The following MACF1 variants were observed in gnomAD, a reference collection of about 807,000 sequenced individuals.
The protein encoded by MACF1 is microtubule-actin cross-linking factor 1.
Under a neutral mutation model 854.8 loss-of-function variants are expected in MACF1, and 193 were observed. The observed-to-expected ratio is 0.23, with a 90% CI of 0.20 to 0.25. MACF1 has a LOEUF of 0.25. Among genes scored for constraint, MACF1 ranks in the 10% least tolerant of loss-of-function variants. The pLI, the probability that MACF1 is intolerant of heterozygous loss-of-function variation, is 1.00. For synonymous variants in MACF1, 3,185 were observed against 3,226.7 expected, an observed-to-expected ratio of 0.99 and a Z score of 0.44; for missense variants, 7,722 against 8,929.1, an observed-to-expected ratio of 0.86 and a Z score of 5.45.
In MACF1 at chr1:39,484,612, A is replaced by T; in HGVS notation, c.22293A>T (p.Ser7431=). 6.2e-7 allele frequency: 1 copy of T among 1,613,586 alleles called. No homozygotes were observed. The highest frequency in any genetic ancestry group is 8.5e-7 in the Non-Finnish European group (1 of 1,179,746). The stretch of plus-strand genomic sequence containing the variant: ...TTATTTTTTTTAAGGTTATCCCATC[A>T]TCAGGTAGCAAGTTGAAACGACCAA... ...LQLPTPEVIP[S]SGSKLKRPTP... Residue 7431 remains serine, a synonymous_variant, in exon 100 of 101, where the codon TCA becomes TCT. Coordinates refer to ENST00000564288, the MANE Select transcript of MACF1 (RefSeq NM_001394062.1).
chr1:39,361,846 T>C (rs886504364), intron 49 of MACF1, among the ~76,000 whole-genome samples, 169 bp downstream of exon 49: 24 of 152,214 alleles, frequency 1.6e-4, no homozygotes, highest in African/African-American at 5.8e-4. Context: ...GTCCATTTTT[T>C]AAGCAACACA....
At chr1:39,106,790 CCT>C (rs1413661848) in intron 2 of MACF1, among the ~76,000 whole-genome samples, 2 of 137,724 alleles carry the variant, frequency 1.5e-5, no homozygotes, top group African/African-American at 5.3e-5. Flanking sequence ...AAACGCCCCC[CCT>C]CTCCCCCCTC....
At chr1:39,428,524 G>C (rs566214046) in intron 63 of MACF1, among the ~76,000 whole-genome samples, 1 of 152,250 alleles carries the variant, frequency 6.6e-6, no homozygotes, top group East Asian at 1.9e-4. Context: ...AGGGTATATA[G>C]TCAGGGGCCA....
chr1:39,430,983 A>G (rs1643868006), intron 66 of MACF1, 75 bp downstream of exon 66: 1 of 1,277,934 alleles, frequency 7.8e-7, no homozygotes, highest in East Asian at 2.4e-5. Context: ...TGACCCACAT[A>G]AATACAGACT....
At chr1:39,483,273 A>G (rs1329594607) in intron 99 of MACF1, among the ~76,000 whole-genome samples, 1 of 152,118 alleles carries the variant, frequency 6.6e-6, no homozygotes, top group Non-Finnish European at 1.5e-5. Flanking sequence ...TCATTTATTC[A>G]TGCAAGTTTT....
At chr1:39,469,697 G>T in intron 97 of MACF1, 82 bp downstream of exon 97, 1 of 1,104,368 alleles carries the variant, frequency 9.1e-7, no homozygotes, top group Non-Finnish European at 1.3e-6. Context: ...AACATCTCTT[G>T]GTTCTGTGTA....
At chr1:39,481,155 G>C (rs1025029329) in intron 99 of MACF1, 125 bp downstream of exon 99, 1 of 606,840 alleles carries the variant, frequency 1.6e-6, no homozygotes, top group Admixed American at 3.0e-5. Flanking sequence ...TGCTGTCACA[G>C]CTGATTCATC....
intron 33 of MACF1, 139 bp downstream of exon 33, chr1:39,323,147 A>C (rs1012685140): frequency 2.7e-6 from 2 of 734,192 alleles, no homozygotes; most frequent in Non-Finnish European, 4.8e-6. Flanking sequence ...TGAATCCAGC[A>C]TGGGTGACAT....
At chr1:39,220,858 A>G (rs1644643937) in intron 1 of MACF1, among the ~76,000 whole-genome samples, 1 of 152,208 alleles carries the variant, frequency 6.6e-6, no homozygotes, top group African/African-American at 2.4e-5. Context: ...GGACTTAGAT[A>G]CAGAGCTTTC....
At chr1:39,313,386 A>G (rs1295599439) in intron 26 of MACF1, among the ~76,000 whole-genome samples, 1 of 152,184 alleles carries the variant, frequency 6.6e-6, no homozygotes, top group African/African-American at 2.4e-5. Flanking sequence ...TAGTTTTAGC[A>G]TCCATTGTTA....
rs140424300 is a variant in MACF1, at chr1:39,406,209, A to G, written c.15817-16165A>G. Among the ~76,000 whole-genome samples, 3 of 152,322 alleles carry G rather than the reference A, an allele frequency of 2.0e-5. No homozygotes were observed. In the East Asian group the frequency reaches 5.8e-4, roughly 29 times the overall value. On this transcript the variant is annotated intron_variant, in intron 58 of 100. Transcript: ENST00000564288. ...AGGTTGTATTTAAATTTGTTTTCCT[A>G]ACACCCTAATTAGAGAGAGTGTGAC... is the stretch of plus-strand genomic sequence containing the variant.
intron 70 of MACF1, chr1:39,436,331 A>G (rs1359315666): frequency 6.8e-6 from 5 of 736,020 alleles, no homozygotes; most frequent in African/African-American, 3.5e-5. Context: ...TTCTTGGTTA[A>G]TATTTGTACT....
chr1:39,334,759 A>T lies in MACF1; in HGVS notation c.8171A>T (p.His2724Leu), dbSNP rs766896369. 2 of 1,610,396 alleles carry T rather than the reference A, an allele frequency of 1.2e-6. No homozygotes were observed. The highest frequency in any genetic ancestry group is 8.5e-7 in the Non-Finnish European group (1 of 1,176,612). The change falls in exon 37 of 101, where the codon CAT becomes CTT. Residue 2724 changes from histidine to leucine, a missense_variant. Transcript: ENST00000564288. ...DENMVRIIAS[H>L]QVLNGGIVDI... is the part of the protein sequence containing the mutation. Reference sequence around the variant, plus strand: ...AACATGGTCAGAATTATTGCATCTCATCAGGTGTTAAATGGAGGAATTGTT... The same window carrying T: ...AACATGGTCAGAATTATTGCATCTCTTCAGGTGTTAAATGGAGGAATTGTT...
intron 1 of MACF1, among the ~76,000 whole-genome samples, chr1:39,228,714 C>T (rs908312161): frequency 6.6e-6 from 1 of 152,178 alleles, no homozygotes; most frequent in East Asian, 1.9e-4. Flanking sequence ...AGTGCAATGG[C>T]ACGATCTCAG....
chr1:39,118,233 G>A (rs1219242960), intron 2 of MACF1, among the ~76,000 whole-genome samples: 1 of 152,208 alleles, frequency 6.6e-6, no homozygotes, highest in East Asian at 1.9e-4. Flanking sequence ...ACCACAGACA[G>A]AGCAGCAGCC....
intron 57 of MACF1, among the ~76,000 whole-genome samples, chr1:39,386,189 C>T (rs1344872936): frequency 6.6e-6 from 1 of 151,548 alleles, no homozygotes; most frequent in Non-Finnish European, 1.5e-5. Flanking sequence ...AGTAGAGATT[C>T]ATCCCCATAG....
At chr1:39,157,024 CA>C in intron 2 of MACF1, among the ~76,000 whole-genome samples, 1 of 149,628 alleles carries the variant, frequency 6.7e-6, no homozygotes, top group Admixed American at 6.7e-5. Context: ...GGCTGGAGTG[CA>C]GTGGCGCAAT....
intron 60 of MACF1, among the ~76,000 whole-genome samples, chr1:39,423,733 C>T (rs536670773): frequency 6.6e-6 from 1 of 151,402 alleles, no homozygotes; most frequent in Non-Finnish European, 1.5e-5. Flanking sequence ...TTAACATATT[C>T]ATCACTTCAA....
chr1:39,457,286 T>TA (rs1460931593), intron 89 of MACF1: 6 of 152,124 alleles, frequency 3.9e-5, no homozygotes, highest in African/African-American at 1.5e-4. Flanking sequence ...TGTCTGGAGT[T>TA]CCTCCTTTTC....
Sources: allele counts gnomAD v4.1 joint callset (sites outside exome capture counted in the v4.1 genomes callset), GRCh38; gene constraint gnomAD v4.1.1; transcripts MANE v1.5; gene names NCBI Gene and HGNC (gene_info 2026-07-23, HGNC 2026-07-21).